Variants in PFAS observed in about 807,000 individuals in gnomAD.
PFAS encodes the protein FGAM synthase.
PFAS carries 97 observed loss-of-function variants against 140.6 expected under a neutral mutation model. The observed-to-expected ratio is 0.69, with a 90% CI of 0.59 to 0.82. The LOEUF (loss-of-function observed/expected upper bound fraction) is 0.82, where lower values mean the gene tolerates loss of function less well. Among genes scored for constraint, PFAS ranks in the 40% least tolerant of loss-of-function variants. The probability of loss-of-function intolerance (pLI) is 0.00; values close to 1 mark genes in which losing one functional copy is unlikely to be tolerated. For missense variants in PFAS, 1,656 were observed against 1,780.2 expected, an observed-to-expected ratio of 0.93 and a Z score of 1.26; for synonymous variants, 679 against 718.8, an observed-to-expected ratio of 0.94 and a Z score of 0.88.
intron 17 of PFAS, 26 bp from the exon 18 acceptor site, chr17:8,264,869 C>G: frequency 6.7e-7 from 1 of 1,487,132 alleles, no homozygotes. Context: ...CCCTTGCTCT[C>G]TTGCTAACCC....
In PFAS at chr17:8,267,003, G is replaced by A. The variant is rs766746159; in HGVS notation, c.2968-25G>A. 8 of 1,612,268 alleles carry A rather than the reference G, an allele frequency of 5.0e-6. No individual in the cohort carries two copies. Among genetic ancestry groups the A allele is most frequent in the South Asian group, 4.4e-5 (4 of 91,056 alleles). On this transcript the variant is annotated intron_variant, in intron 23 of 27. Coordinates refer to ENST00000314666, the MANE Select transcript of PFAS (RefSeq NM_012393.3). The surrounding 1 kb of genome is among the most constrained non-coding windows in gnomAD (Gnocchi z 4.9). ...AGGGGGCCATCCTTTCTCCTAGCCC[G>A]TGGGAGATTTGTTCCTCTTCCTAGG...
Position 8,264,554 on chromosome 17 carries a change from G to A in PFAS, c.2002G>A (p.Val668Ile). The change falls in exon 17 of 28, where the codon GTT (valine) becomes ATT (isoleucine). Residue 668 changes from valine (V) to isoleucine (I), a missense_variant. Val to Ile is a conservative substitution (Grantham distance 29). Transcript: ENST00000314666. Reference sequence around the variant, plus strand: ...GAGCGTGCACCAGGCTCTGGAGAGGGTTCTGAGGCTGCCCGCCGTGGCCAG... The same window carrying A: ...GAGCGTGCACCAGGCTCTGGAGAGGATTCTGAGGCTGCCCGCCGTGGCCAG... ...GLSVHQALER[V>I]LRLPAVASKR... 1 of 1,613,204 alleles carries A rather than the reference G, an allele frequency of 6.2e-7. No homozygotes were observed. The highest frequency in any genetic ancestry group is 1.1e-5 in the South Asian group (1 of 90,988).
At position 8,256,928 on chromosome 17, in the gene PFAS, C is replaced by T. The variant is rs907764397; in HGVS notation, c.1040C>T (p.Thr347Ile). The T allele has an allele frequency of 6.2e-7, 1 of 1,614,222 alleles. No homozygotes were observed. Among genetic ancestry groups the T allele is most frequent in the African/African-American group, 1.3e-5 (1 of 75,076 alleles). Residue 347 changes from threonine (T) to isoleucine (I), a missense_variant, in exon 9 of 28, where the codon ACT becomes ATT. Physicochemically the swap from Thr to Ile is moderately conservative, Grantham distance 89. Coordinates refer to ENST00000314666, the MANE Select transcript of PFAS (RefSeq NM_012393.3). ...TGRGAHVVAG[T>I]AGYCFGNLHI... The stretch of plus-strand genomic sequence containing the variant: ...CGCGGGGCCCACGTGGTGGCTGGCA[C>T]TGCCGGCTATTGCTTTGGAAATCTG...
intron 3 of PFAS, among the ~76,000 whole-genome samples, chr17:8,254,510 TCAAA>T (rs1989281581): frequency 6.6e-6 from 1 of 152,120 alleles, no homozygotes; most frequent in African/African-American, 2.4e-5. Context: ...CAAGTTAAAA[TCAAA>T]CAGTTTTGGC....
intron 6 of PFAS, 57 bp from the exon 7 acceptor site, chr17:8,256,210 C>T (rs926007194): frequency 5.8e-6 from 9 of 1,563,922 alleles, no homozygotes; most frequent in Non-Finnish European, 7.0e-6. Flanking sequence ...GAAGACATGG[C>T]ATTAAGAAAT....
intron 1 of PFAS, among the ~76,000 whole-genome samples, chr17:8,250,213 G>A (rs1989099782): frequency 6.6e-6 from 1 of 152,226 alleles, no homozygotes; most frequent in South Asian, 2.1e-4. Flanking sequence ...TGGAAAGGTA[G>A]GCCAGAGAGT....
In PFAS at chr17:8,269,742, C is replaced by T. The variant is rs1318410690; in HGVS notation, c.*478C>T. ...TGTTCTCATCTGGAACTGAAACTTT[C>T]TGGATTTCTCTTGAAGTGCTACACT... On this transcript the variant is annotated 3_prime_UTR_variant, in exon 28 of 28. Transcript: ENST00000314666. 1 of 161,910 alleles carries T rather than the reference C, an allele frequency of 6.2e-6. No homozygotes were observed. Among genetic ancestry groups the T allele is most frequent in the Non-Finnish European group, 1.4e-5 (1 of 73,326 alleles). 10.0% of individuals were successfully genotyped at this position (161,910 alleles called of 1,614,324 possible).
Position 8,266,695 on chromosome 17 carries a change from C to T in PFAS, c.2822-58C>T, listed in dbSNP as rs1989827843. The T allele has an allele frequency of 1.1e-5, 17 of 1,547,248 alleles. No homozygotes were observed. The highest frequency in any genetic ancestry group is 4.5e-5 in the East Asian group (2 of 44,458). On this transcript the variant is annotated intron_variant, in intron 22 of 27. Transcript: ENST00000314666. This position sits in a 1 kb window ranked among gnomAD's most constrained non-coding sequence, Gnocchi z 5.0. ...GGCCCTTCCTGCATTTCCCTGATCCCGCCCCAACTCCCTTGGCCCTTCTTG... is the reference window on the plus strand; with the variant it reads ...GGCCCTTCCTGCATTTCCCTGATCCTGCCCCAACTCCCTTGGCCCTTCTTG...
chr17:8,264,660 C>T, intron 17 of PFAS, 59 bp downstream of exon 17: 1 of 1,510,528 alleles, frequency 6.6e-7, no homozygotes, highest in Non-Finnish European at 8.9e-7. Context: ...CCTCTTCTGC[C>T]CTCCCACCCT....
intron 11 of PFAS, among the ~76,000 whole-genome samples, chr17:8,262,266 G>C (rs532472393): frequency 2.6e-5 from 4 of 152,032 alleles, no homozygotes; most frequent in Admixed American, 6.6e-5. Flanking sequence ...TACTTAATGA[G>C]GTCTCTGTTG....
Position 8,254,010 on chromosome 17 carries a change from A to G in PFAS, c.73A>G (p.Lys25Glu). The change falls in exon 2 of 28, where the codon AAA becomes GAA. Residue 25 changes from lysine (K) to glutamate (E), a missense_variant. By Grantham distance (56) the Lys-to-Glu change is moderately conservative (BLOSUM62 1). This residue lies in a region of PFAS where 773 missense variants were observed against 757.3 expected (regional missense o/e 1.02). Coordinates refer to ENST00000314666, the MANE Select transcript of PFAS (RefSeq NM_012393.3). The part of the protein sequence containing the change: ...EGAAPGHTRR[K>E]LQGKLPELQG... ...GGCAGCCCCTGGACACACTCGGAGGAAACTGCAAGGGAAACTGCCAGAGCT... is the reference window on the plus strand; with the variant it reads ...GGCAGCCCCTGGACACACTCGGAGGGAACTGCAAGGGAAACTGCCAGAGCT... The G allele has an allele frequency of 1.2e-6, 2 of 1,614,062 alleles. No homozygotes were observed. Among genetic ancestry groups the G allele is most frequent in the South Asian group, 1.1e-5 (1 of 91,080 alleles).
At position 8,254,182 on chromosome 17, in the gene PFAS, T is replaced by C; in HGVS notation, c.159T>C (p.Ser53=). Residue 53 remains serine (S), a synonymous_variant, in exon 3 of 28, where the codon AGT becomes AGC. Transcript: ENST00000314666. ...TCCCTGCAGCTGAGGCCCTCCCCAG[T>C]GCTGAGGAGACAAAGAAGCTGATGT... The part of the protein sequence containing the change: ...NVNWTAEALP[S]AEETKKLMWL... 1 of 1,614,128 alleles carries C rather than the reference T, an allele frequency of 6.2e-7. No individual in the cohort carries two copies. Among genetic ancestry groups the C allele is most frequent in the Non-Finnish European group, 8.5e-7 (1 of 1,180,002 alleles).
At chr17:8,251,455 A>AT (rs1020160362) in intron 1 of PFAS, among the ~76,000 whole-genome samples, 2,896 of 145,122 alleles carry the variant, frequency 0.02, 94 homozygotes, top group African/African-American at 0.068. Context: ...CTAATTTTTA[A>AT]TTTTTTTTTT....
At chr17:8,265,500 G>A in intron 19 of PFAS, 32 bp downstream of exon 19, 1 of 1,613,262 alleles carries the variant, frequency 6.2e-7, no homozygotes. Flanking sequence ...GAGGGGAGGA[G>A]GAACTATGGA....
chr17:8,268,715 C>CG lies in PFAS; in HGVS notation c.3567dup (p.Pro1190AlafsTer61). On this transcript the variant is annotated frameshift_variant, in exon 27 of 28. Transcript: ENST00000314666. LOFTEE classifies it high-confidence loss of function. ...GATGGGCCCTGACTCCCAGCCAGCC[C>CG]GGCCAGGCCTTCTGCTACGCCACAA... 2 of 1,613,348 alleles carry CG rather than the reference C, an allele frequency of 1.2e-6. No individual in the cohort carries two copies. The highest frequency in any genetic ancestry group is 1.7e-6 in the Non-Finnish European group (2 of 1,179,946).
At chr17:8,253,663 C>G (rs1244601156) in intron 1 of PFAS, among the ~76,000 whole-genome samples, 196 bp from the exon 2 acceptor site, 2 of 152,116 alleles carry the variant, frequency 1.3e-5, no homozygotes, top group South Asian at 2.1e-4. Flanking sequence ...CCTCAGCCTC[C>G]CTAGTAACTG....
intron 9 of PFAS, among the ~76,000 whole-genome samples, chr17:8,257,523 G>T (rs182129351): frequency 8.5e-5 from 13 of 152,118 alleles, no homozygotes; most frequent in South Asian, 2.1e-4. Flanking sequence ...GCCACTGCAC[G>T]CTAGCCTGGG....
Position 8,267,406 on chromosome 17 carries a change from G to T in PFAS, c.3210G>T (p.Glu1070Asp), listed in dbSNP as rs543768607. Residue 1070 changes from glutamate (E) to aspartate (D), a missense_variant, in exon 25 of 28, where the codon GAG (glutamate) becomes GAT (aspartate). By Grantham distance (45) the Glu-to-Asp change is conservative. Coordinates refer to ENST00000314666, the MANE Select transcript of PFAS (RefSeq NM_012393.3). This position sits in a 1 kb window ranked among gnomAD's most constrained non-coding sequence, Gnocchi z 4.9. ...GPSPRVAILR[E>D]EGSNGDREMA... The stretch of plus-strand genomic sequence containing the variant: ...GCCCCCGAGTCGCCATCTTGCGAGA[G>T]GAGGGCAGTAATGGAGACCGGGAGA... The T allele has an allele frequency of 2.4e-5, 38 of 1,614,158 alleles. No individual in the cohort carries two copies. The African/African-American group carries it at 4.7e-4, about 20-fold the overall frequency.
chr17:8,265,833 C>T (rs1462907808), intron 20 of PFAS, 29 bp from the exon 21 acceptor site: 3 of 1,576,596 alleles, frequency 1.9e-6, no homozygotes, highest in Middle Eastern at 1.8e-4. Context: ...GAGCTGTTCC[C>T]CTCCCCTCAC....
Sources: allele counts gnomAD v4.1 joint callset (sites outside exome capture counted in the v4.1 genomes callset), GRCh38; gene constraint gnomAD v4.1.1; regional missense constraint gnomAD v4.1.1; non-coding constraint Gnocchi (gnomAD v3.1); transcripts MANE v1.5; gene names NCBI Gene and HGNC (gene_info 2026-07-23, HGNC 2026-07-21).